Variants in TMEM117 observed in about 807,000 individuals in gnomAD.
TMEM117 encodes the protein transmembrane protein 117.
In TMEM117, 27 loss-of-function variants were observed where a neutral mutation model predicts 52.4. That is an observed-to-expected ratio of 0.51 (90% CI 0.38 to 0.71). TMEM117 has a LOEUF of 0.71. Among genes scored for constraint, TMEM117 ranks in the 30% least tolerant of loss-of-function variants. The pLI, the probability that TMEM117 is intolerant of heterozygous loss-of-function variation, is 0.00. For missense variants in TMEM117, 556 were observed against 630.5 expected (o/e 0.88, Z 1.26); for synonymous variants, 215 against 206.3 (o/e 1.04, Z -0.36).
At chr12:43,804,895 CTCT>C in the TMEM117 span, among the ~76,000 whole-genome samples, 1 of 152,192 alleles carries the variant, frequency 6.6e-6, no homozygotes, top group Non-Finnish European at 1.5e-5. Context: ...ACTTTTCTTG[CTCT>C]TTTGAAAAAT....
chr12:44,286,008 C>T (rs1950633414), intron 5 of TMEM117, among the ~76,000 whole-genome samples: 1 of 152,124 alleles, frequency 6.6e-6, no homozygotes, highest in Non-Finnish European at 1.5e-5. Context: ...ATATGTGACA[C>T]TATATCATAA....
chr12:44,156,786 T>C (rs867856995), intron 4 of TMEM117, among the ~76,000 whole-genome samples: 2 of 151,942 alleles, frequency 1.3e-5, no homozygotes, highest in African/African-American at 4.8e-5. Context: ...ATGAAGAGGG[T>C]TGGCTTTCTT....
intron 4 of TMEM117, among the ~76,000 whole-genome samples, chr12:44,155,662 G>T (rs193055713): frequency 6.6e-6 from 1 of 152,082 alleles, no homozygotes; most frequent in Non-Finnish European, 1.5e-5. Flanking sequence ...TGAGATAAAA[G>T]GGTCTGTGAG....
At chr12:44,019,570 C>T (rs1354502048) in intron 3 of TMEM117, among the ~76,000 whole-genome samples, 1 of 152,126 alleles carries the variant, frequency 6.6e-6, no homozygotes, top group African/African-American at 2.4e-5. Context: ...TGGATAAAGA[C>T]ATTTAGGCAA....
In TMEM117 at chr12:44,389,062, G is replaced by GAT; in HGVS notation, c.*390_*391insAT. The GAT allele has an allele frequency of 6.4e-6, 1 of 156,554 alleles. No homozygotes were observed. Among genetic ancestry groups the GAT allele is most frequent in the East Asian group, 1.8e-4 (1 of 5,510 alleles). The allele number at this position is 156,554 out of a possible 1,614,324, so 9.7% of individuals were successfully genotyped here. A position where few individuals can be genotyped will look rare whatever the true frequency, so the allele number is the denominator to read the frequency against. On this transcript the variant is annotated 3_prime_UTR_variant, in exon 8 of 8. Transcript: ENST00000266534. Reference sequence around the variant, plus strand: ...CTAACCTATTTCACATGGGCGTTTTGTATACAACTATTTTGATCTACACTT... The same window carrying GAT: ...CTAACCTATTTCACATGGGCGTTTTGATTATACAACTATTTTGATCTACACTT...
intron 2 of TMEM117, among the ~76,000 whole-genome samples, chr12:43,909,980 C>T (rs889364178): frequency 3.8e-5 from 5 of 133,094 alleles, no homozygotes; most frequent in African/African-American, 1.3e-4. Context: ...GGGAATCCTC[C>T]CTAACTCATT....
chr12:44,209,620 C>T (rs1430956161), intron 4 of TMEM117, among the ~76,000 whole-genome samples: 1 of 152,024 alleles, frequency 6.6e-6, no homozygotes, highest in Non-Finnish European at 1.5e-5. Context: ...AATGAAGCCA[C>T]AAATTATTGT....
chr12:43,842,448 A>G (rs552398937), intron 1 of TMEM117, among the ~76,000 whole-genome samples: 2 of 85,392 alleles, frequency 2.3e-5, no homozygotes, highest in East Asian at 2.2e-4. Flanking sequence ...GCTGAATTCT[A>G]TTGCCAATGT....
intron 3 of TMEM117, among the ~76,000 whole-genome samples, chr12:44,047,429 A>C (rs551132324): frequency 6.6e-6 from 1 of 152,176 alleles, no homozygotes; most frequent in South Asian, 2.1e-4. Flanking sequence ...ATTACTAGAT[A>C]TTAATATTTT....
At chr12:43,913,411 T>C (rs1944549320) in intron 2 of TMEM117, among the ~76,000 whole-genome samples, 1 of 152,218 alleles carries the variant, frequency 6.6e-6, no homozygotes, top group African/African-American at 2.4e-5. Flanking sequence ...TATATTCATA[T>C]AGATTAATAA....
At chr12:44,083,075 C>T (rs73286301) in intron 3 of TMEM117, among the ~76,000 whole-genome samples, 5,357 of 152,048 alleles carry the variant, frequency 0.035, 213 homozygotes, top group African/African-American at 0.091. Context: ...ATTTTTCTAT[C>T]GGTGGATATT....
chr12:44,246,301 G>T, intron 5 of TMEM117, among the ~76,000 whole-genome samples: 1 of 152,122 alleles, frequency 6.6e-6, no homozygotes, highest in Non-Finnish European at 1.5e-5. Context: ...TTATGTAATA[G>T]AATAAAATAA....
intron 4 of TMEM117, among the ~76,000 whole-genome samples, chr12:44,207,931 C>A (rs1949591724): frequency 6.6e-6 from 1 of 152,076 alleles, no homozygotes; most frequent in South Asian, 2.1e-4. Flanking sequence ...GACTTCTCTT[C>A]CTCCATTGCT....
chr12:43,846,523 G>A (rs1270393967), intron 2 of TMEM117, among the ~76,000 whole-genome samples: 5 of 152,164 alleles, frequency 3.3e-5, no homozygotes, highest in Admixed American at 3.3e-4. Context: ...GAGGTAGGTG[G>A]TATTTATTCA....
At chr12:44,133,597 T>G (rs1327138517) in intron 3 of TMEM117, among the ~76,000 whole-genome samples, 4 of 152,064 alleles carry the variant, frequency 2.6e-5, no homozygotes, top group Non-Finnish European at 5.9e-5. Flanking sequence ...TCTTGGTGGT[T>G]AAGTCAAGAG....
chr12:44,372,401 G>A (rs1182422015), intron 6 of TMEM117, among the ~76,000 whole-genome samples: 4 of 152,004 alleles, frequency 2.6e-5, no homozygotes, highest in Non-Finnish European at 5.9e-5. Flanking sequence ...ATATAAAACT[G>A]GCTATACATC....
upstream of TMEM117, among the ~76,000 whole-genome samples, chr12:43,831,896 T>C (rs1011331673): frequency 4.6e-5 from 7 of 152,178 alleles, no homozygotes; most frequent in Admixed American, 2.6e-4. Flanking sequence ...AGGAATGATA[T>C]GTAAACAACA....
intron 3 of TMEM117, among the ~76,000 whole-genome samples, chr12:44,078,262 G>A (rs1011562222): frequency 1.3e-5 from 2 of 152,196 alleles, no homozygotes; most frequent in Non-Finnish European, 2.9e-5. Context: ...GCCAACGACA[G>A]AAATATTTAA....
intron 5 of TMEM117, among the ~76,000 whole-genome samples, chr12:44,215,619 A>G (rs186194261): frequency 1.3e-5 from 2 of 152,246 alleles, no homozygotes; most frequent in South Asian, 2.1e-4. Flanking sequence ...GTAATATGAT[A>G]TTCATGTTAG....
Sources: gnomAD v4.1 joint callset for allele counts (sites outside exome capture counted in the v4.1 genomes callset) on GRCh38, gnomAD v4.1.1 for gene constraint, MANE v1.5 for transcripts, NCBI Gene and HGNC (gene_info 2026-07-23, HGNC 2026-07-21) for gene names.